ANKRD6: variants seen among roughly 807,000 people sequenced by gnomAD.
The protein encoded by ANKRD6 is ankyrin repeat domain 6.
ANKRD6 carries 56 observed loss-of-function variants against 82.3 expected under a neutral mutation model. The observed-to-expected ratio is 0.68, with a 90% CI of 0.55 to 0.85. The LOEUF is 0.85. ANKRD6 is among the 40% of genes least tolerant of loss of function. The probability of loss-of-function intolerance (pLI) is 0.00; values close to 1 mark genes in which losing one functional copy is unlikely to be tolerated. For synonymous variants in ANKRD6, 347 were observed against 352.1 expected, an observed-to-expected ratio of 0.99 and a Z score of 0.16; for missense variants, 852 against 907.6, an observed-to-expected ratio of 0.94 and a Z score of 0.79.
At chr6:89,609,961 C>G (rs1480123134) in intron 5 of ANKRD6, among the ~76,000 whole-genome samples, 1 of 152,154 alleles carries the variant, frequency 6.6e-6, no homozygotes, top group African/African-American at 2.4e-5. Flanking sequence ...GGTCAGGAAA[C>G]TCATGCGTCT....
chr6:89,478,526 A>T (rs2127802078), intron 1 of ANKRD6: 1 of 152,198 alleles, frequency 6.6e-6, no homozygotes, highest in African/African-American at 2.4e-5. Flanking sequence ...TGAGGTCAGG[A>T]GTTCAAGACC....
intron 8 of ANKRD6, 148 bp downstream of exon 8, chr6:89,616,805 G>A (rs1422695938): frequency 5.6e-5 from 46 of 824,442 alleles, no homozygotes; most frequent in Non-Finnish European, 7.8e-5. Flanking sequence ...GGGCCATTGG[G>A]GTGGACTTGA....
chr6:89,545,393 C>T (rs980083376), intron 1 of ANKRD6, among the ~76,000 whole-genome samples: 7 of 151,990 alleles, frequency 4.6e-5, no homozygotes, highest in African/African-American at 1.7e-4. Context: ...TTTCCTGTAG[C>T]GGTAGTCCCA....
intron 1 of ANKRD6, among the ~76,000 whole-genome samples, chr6:89,454,680 G>A (rs564811247): frequency 9.2e-5 from 14 of 152,324 alleles, no homozygotes; most frequent in Middle Eastern, 3.4e-3. Context: ...AACTAAACTG[G>A]AATTGAAATT....
chr6:89,533,275 C>T (rs915559596), intron 1 of ANKRD6, among the ~76,000 whole-genome samples: 1 of 152,156 alleles, frequency 6.6e-6, no homozygotes, highest in East Asian at 1.9e-4. Context: ...GTGATCTTCA[C>T]TTTAATAGAC....
chr6:89,507,562 A>G (rs753960660), intron 1 of ANKRD6, among the ~76,000 whole-genome samples: 3 of 152,238 alleles, frequency 2.0e-5, no homozygotes, highest in Non-Finnish European at 2.9e-5. Flanking sequence ...TAAATCAGAC[A>G]GAACAAACAG....
chr6:89,595,860 CA>C, intron 2 of ANKRD6, 55 bp from the exon 3 acceptor site: 1 of 1,429,698 alleles, frequency 7.0e-7, no homozygotes, highest in Admixed American at 2.0e-5. Context: ...CTCTGTCTCC[CA>C]AGGGAGTAGC....
At chr6:89,620,902 A>AG (rs1802996304) in intron 9 of ANKRD6, among the ~76,000 whole-genome samples, 3 of 152,186 alleles carry the variant, frequency 2.0e-5, no homozygotes, top group Admixed American at 2.0e-4. Context: ...CGTCTCTACT[A>AG]AAAATACAAA....
intron 1 of ANKRD6, among the ~76,000 whole-genome samples, chr6:89,555,458 T>C (rs906651075): frequency 6.6e-6 from 1 of 152,136 alleles, no homozygotes; most frequent in East Asian, 1.9e-4. Context: ...AGTGGGCTTA[T>C]AGTCATTAAG....
chr6:89,492,457 G>A (rs1337375620), intron 1 of ANKRD6, among the ~76,000 whole-genome samples: 1 of 152,186 alleles, frequency 6.6e-6, no homozygotes. Context: ...GGCTGTACTT[G>A]TGTGTGTTTG....
chr6:89,599,468 G>GGTA (rs1796604135), intron 3 of ANKRD6, among the ~76,000 whole-genome samples: 1 of 152,184 alleles, frequency 6.6e-6, no homozygotes, highest in Non-Finnish European at 1.5e-5. Context: ...GATTGACTTA[G>GGTA]GTAGGTATCA....
At chr6:89,574,992 G>A (rs1481609155) in intron 2 of ANKRD6, among the ~76,000 whole-genome samples, 1 of 152,216 alleles carries the variant, frequency 6.6e-6, no homozygotes, top group East Asian at 1.9e-4. Context: ...TCAAAAGAGT[G>A]TGGATAGCCA....
chr6:89,546,058 C>T (rs1190459746), intron 1 of ANKRD6, among the ~76,000 whole-genome samples: 1 of 152,178 alleles, frequency 6.6e-6, no homozygotes, highest in Non-Finnish European at 1.5e-5. Context: ...CTGCCCGCCT[C>T]AGCCTCCCAA....
chr6:89,543,532 G>T (rs1249782026), intron 1 of ANKRD6, among the ~76,000 whole-genome samples: 2 of 152,180 alleles, frequency 1.3e-5, no homozygotes, highest in Non-Finnish European at 1.5e-5. Flanking sequence ...GTATCTAACA[G>T]TCTGAAAGAT....
At chr6:89,489,619 C>T (rs1777789781) in intron 1 of ANKRD6, among the ~76,000 whole-genome samples, 1 of 152,170 alleles carries the variant, frequency 6.6e-6, no homozygotes, top group African/African-American at 2.4e-5. Context: ...AAGAGACTAC[C>T]TTAGGATTGT....
chr6:89,594,629 G>A (rs924975353), intron 2 of ANKRD6, among the ~76,000 whole-genome samples: 6 of 152,220 alleles, frequency 3.9e-5, no homozygotes, highest in Non-Finnish European at 7.3e-5. Context: ...AGTTGTTCAC[G>A]AGGAATGTCA....
intron 1 of ANKRD6, among the ~76,000 whole-genome samples, chr6:89,459,835 T>TATAAGGAG (rs1160384034): frequency 6.6e-6 from 1 of 152,080 alleles, no homozygotes; most frequent in Non-Finnish European, 1.5e-5. Flanking sequence ...TTATGACAGT[T>TATAAGGAG]ATAAGGAGAC....
chr6:89,466,860 C>T (rs1216668101), intron 1 of ANKRD6, among the ~76,000 whole-genome samples: 2 of 152,180 alleles, frequency 1.3e-5, no homozygotes, highest in African/African-American at 4.8e-5. Context: ...GCCCGTGCCA[C>T]CAAACCCGGC....
chr6:89,612,505 T>C, intron 6 of ANKRD6, 135 bp downstream of exon 6: 1 of 927,490 alleles, frequency 1.1e-6, no homozygotes, highest in Non-Finnish European at 1.5e-6. Flanking sequence ...TCTAAAGTGT[T>C]CTTTTTTTGG....
Sources: gnomAD v4.1 joint callset for allele counts (sites outside exome capture counted in the v4.1 genomes callset) on GRCh38, gnomAD v4.1.1 for gene constraint, MANE v1.5 for transcripts, NCBI Gene and HGNC (gene_info 2026-07-23, HGNC 2026-07-21) for gene names.